The following GNAO1 variants were observed in gnomAD, a reference collection of about 807,000 sequenced individuals.
The protein encoded by GNAO1 is G protein subunit alpha o1.
For missense variants in GNAO1, 166 were observed against 478.7 expected, an observed-to-expected ratio of 0.35 and a Z score of 6.10; for synonymous variants, 164 against 180.7, an observed-to-expected ratio of 0.91 and a Z score of 0.74.
chr16:56,249,317 A>G (rs1390438314), intron 2 of GNAO1, among the ~76,000 whole-genome samples: 4 of 152,132 alleles, frequency 2.6e-5, no homozygotes, highest in African/African-American at 7.2e-5. Context: ...GCTCCTCCGA[A>G]GTTCATGGCA....
intron 3 of GNAO1, among the ~76,000 whole-genome samples, chr16:56,315,170 G>A (rs1041975892): frequency 6.6e-6 from 1 of 152,180 alleles, no homozygotes; most frequent in South Asian, 2.1e-4. Context: ...TATGTGTAGC[G>A]CTGCATCTTC....
chr16:56,329,583 T>A (rs2037669076), intron 4 of GNAO1, among the ~76,000 whole-genome samples: 1 of 152,212 alleles, frequency 6.6e-6, no homozygotes, highest in South Asian at 2.1e-4. Context: ...ATGGTCAGCG[T>A]TGGTCAGGGA....
At chr16:56,218,007 G>A (rs2036451169) in intron 2 of GNAO1, among the ~76,000 whole-genome samples, 1 of 152,220 alleles carries the variant, frequency 6.6e-6, no homozygotes, top group Non-Finnish European at 1.5e-5. Flanking sequence ...TGGAGGCAAG[G>A]AAGATGCCAA....
At chr16:56,350,041 C>T (rs770379215) in intron 6 of GNAO1, among the ~76,000 whole-genome samples, 3 of 152,156 alleles carry the variant, frequency 2.0e-5, no homozygotes, top group Admixed American at 1.3e-4. Flanking sequence ...GCAGGGAGAG[C>T]GCTGGCACAG....
chr16:56,234,907 G>A, intron 2 of GNAO1: 1 of 187,424 alleles, frequency 5.3e-6, no homozygotes, highest in South Asian at 1.1e-4. Context: ...TGGGCAGTGT[G>A]TGGCCATCGG....
chr16:56,247,556 C>G (rs1466094917), intron 2 of GNAO1, among the ~76,000 whole-genome samples: 10 of 131,386 alleles, frequency 7.6e-5, no homozygotes, highest in African/African-American at 2.6e-4. Flanking sequence ...AGCCACATGT[C>G]TTTGAATTTG....
At chr16:56,283,721 G>A (rs913741603) in intron 3 of GNAO1, among the ~76,000 whole-genome samples, 1 of 152,136 alleles carries the variant, frequency 6.6e-6, no homozygotes, top group Admixed American at 6.6e-5. Flanking sequence ...TGTAATAGAT[G>A]AAGGCTTCAT....
At chr16:56,222,736 C>T (rs2036502019) in intron 2 of GNAO1, among the ~76,000 whole-genome samples, 1 of 152,124 alleles carries the variant, frequency 6.6e-6, no homozygotes, top group Admixed American at 6.5e-5. Flanking sequence ...AGGAAAAACC[C>T]AGGGGCGACA....
At position 56,191,965 on chromosome 16, in the gene GNAO1, C is replaced by T; in HGVS notation, c.-271C>T. 1 of 519,526 alleles carries T rather than the reference C, an allele frequency of 1.9e-6. No homozygotes were observed. The highest frequency in any genetic ancestry group is 3.4e-6 in the Non-Finnish European group (1 of 293,822). 32.2% of individuals were successfully genotyped at this position (519,526 alleles called of 1,614,324 possible). A position where few individuals can be genotyped will look rare whatever the true frequency, so the allele number is the denominator to read the frequency against. ...TCCTCGGCCCGCGGGCGCCTCCTCC[C>T]TTGGCTCCGGAGCCCCAGACCCCGG... On this transcript the variant is annotated 5_prime_UTR_variant, in exon 1 of 9. Coordinates refer to ENST00000262493, the MANE Select transcript of GNAO1 (RefSeq NM_020988.3). The surrounding 1 kb of genome is among the most constrained non-coding windows in gnomAD (Gnocchi z 4.7).
chr16:56,341,210 G>A (rs192546000), intron 6 of GNAO1, among the ~76,000 whole-genome samples: 89 of 152,348 alleles, frequency 5.8e-4, no homozygotes, highest in African/African-American at 2.0e-3. Flanking sequence ...TGCCACTTAC[G>A]AGCTGTGTGA....
chr16:56,277,564 C>A (rs1180496657), intron 3 of GNAO1, among the ~76,000 whole-genome samples: 1 of 152,144 alleles, frequency 6.6e-6, no homozygotes, highest in Non-Finnish European at 1.5e-5. Flanking sequence ...CTGTTGAGCA[C>A]CTACTGGCTG....
At chr16:56,295,208 T>C (rs573311822) in intron 3 of GNAO1, among the ~76,000 whole-genome samples, 1 of 152,288 alleles carries the variant, frequency 6.6e-6, no homozygotes, top group South Asian at 2.1e-4. Context: ...TGAGAGGTTT[T>C]CGTCTGCAGA....
intron 2 of GNAO1, among the ~76,000 whole-genome samples, chr16:56,252,303 G>C (rs2036806680): frequency 6.6e-6 from 1 of 152,192 alleles, no homozygotes; most frequent in Non-Finnish European, 1.5e-5. Context: ...AGTCCCCAAG[G>C]CTGGCCCCCT....
intron 2 of GNAO1, among the ~76,000 whole-genome samples, chr16:56,234,130 C>A (rs112105961): frequency 1.5e-4 from 23 of 152,374 alleles, no homozygotes; most frequent in African/African-American, 5.3e-4. Flanking sequence ...AAGAAGCCAG[C>A]ATTAGCTATT....
intron 3 of GNAO1, among the ~76,000 whole-genome samples, chr16:56,297,919 A>G (rs1025390694): frequency 6.6e-6 from 1 of 152,252 alleles, no homozygotes; most frequent in African/African-American, 2.4e-5. Flanking sequence ...CCATAATCCC[A>G]GCACTCTGGG....
intron 2 of GNAO1, chr16:56,192,847 C>A (rs541127529): frequency 3.6e-6 from 2 of 553,512 alleles, no homozygotes; most frequent in African/African-American, 1.9e-5. Context: ...GGAAGGGGAG[C>A]GCCTGTAGTT....
At position 56,291,224 on chromosome 16, in the gene GNAO1, A is replaced by C. The variant is rs13337008; in HGVS notation, c.303+15152A>C. ...TTCCAAAGTGGCTACACCGTCTTACATTCCCATTTTCCGCATATGGAGGTT... is the reference window on the plus strand; with the variant it reads ...TTCCAAAGTGGCTACACCGTCTTACCTTCCCATTTTCCGCATATGGAGGTT... On this transcript the variant is annotated intron_variant, in intron 3 of 8. Coordinates refer to ENST00000262493, the MANE Select transcript of GNAO1 (RefSeq NM_020988.3). Among the ~76,000 whole-genome samples the C allele has an allele frequency of 5.0e-3, 763 of 152,322 alleles. 8 individuals are homozygous for C. The highest frequency in any genetic ancestry group is 0.017 in the African/African-American group (719 of 41,574).
intron 3 of GNAO1, among the ~76,000 whole-genome samples, chr16:56,323,382 T>C (rs940335522): frequency 9.2e-5 from 14 of 152,168 alleles, no homozygotes; most frequent in African/African-American, 3.1e-4. Flanking sequence ...CTGAAGATAG[T>C]GTGAGGATGA....
chr16:56,244,466 C>G (rs1359190420), intron 2 of GNAO1, among the ~76,000 whole-genome samples: 2 of 152,050 alleles, frequency 1.3e-5, no homozygotes, highest in African/African-American at 2.4e-5. Flanking sequence ...GGTAGTAACC[C>G]TGGTTACCTC....
Sources: gnomAD v4.1 joint callset for allele counts (sites outside exome capture counted in the v4.1 genomes callset) on GRCh38, gnomAD v4.1.1 for gene constraint, Gnocchi (gnomAD v3.1) non-coding constraint, MANE v1.5 for transcripts, NCBI Gene and HGNC (gene_info 2026-07-23, HGNC 2026-07-21) for gene names.